Variants in NEDD4 observed in about 807,000 individuals in gnomAD.
NEDD4 encodes the protein NEDD4 E3 ubiquitin protein ligase, also known as E3 ubiquitin-protein ligase NEDD4.
In NEDD4, 99 loss-of-function variants were observed where a neutral mutation model predicts 144.9. That is an observed-to-expected ratio of 0.68 (90% CI 0.58 to 0.81). NEDD4 has a LOEUF of 0.81. Ranked by LOEUF, NEDD4 falls within the 30% of genes least tolerant of loss-of-function variation. The probability of loss-of-function intolerance (pLI) is 0.00; values close to 1 mark genes in which losing one functional copy is unlikely to be tolerated. For synonymous variants in NEDD4, 318 were observed against 350.6 expected, an observed-to-expected ratio of 0.91 and a Z score of 1.04; for missense variants, 985 against 1,065.9, an observed-to-expected ratio of 0.92 and a Z score of 1.06.
At chr15:55,837,334 G>A (rs2033255702) in intron 24 of NEDD4, among the ~76,000 whole-genome samples, 1 of 151,824 alleles carries the variant, frequency 6.6e-6, no homozygotes, top group Admixed American at 6.6e-5. Flanking sequence ...GGAGGCTGAG[G>A]CAGGAGAATT....
chr15:55,916,750 C>T (rs564085223), intron 5 of NEDD4: 1 of 1,613,958 alleles, frequency 6.2e-7, no homozygotes, highest in South Asian at 1.1e-5. Flanking sequence ...ACATGGCTAT[C>T]CAAGTCATCT....
intron 7 of NEDD4, among the ~76,000 whole-genome samples, chr15:55,870,529 C>CTTTTTTTTTTTTTT (rs58174546): frequency 8.5e-6 from 1 of 117,422 alleles, no homozygotes; most frequent in African/African-American, 3.3e-5. Context: ...TCTTCTTCTT[C>CTTTTTTTTTTTTTT]TTTTTTTTTT....
At chr15:55,937,990 A>G (rs1193790789) in intron 4 of NEDD4, among the ~76,000 whole-genome samples, 1 of 152,212 alleles carries the variant, frequency 6.6e-6, no homozygotes, top group Non-Finnish European at 1.5e-5. Flanking sequence ...GATAGCTCAA[A>G]AATAAACCCA....
At chr15:55,987,014 A>G (rs2037907093) in intron 1 of NEDD4, among the ~76,000 whole-genome samples, 1 of 149,126 alleles carries the variant, frequency 6.7e-6, no homozygotes, top group East Asian at 2.0e-4. Context: ...GTCAAATGGT[A>G]TTTCTAGTTC....
At chr15:55,957,777 G>A (rs1279031281) in intron 2 of NEDD4, among the ~76,000 whole-genome samples, 1 of 152,178 alleles carries the variant, frequency 6.6e-6, no homozygotes, top group Non-Finnish European at 1.5e-5. Context: ...ATATACCATG[G>A]AATACTATGC....
intron 5 of NEDD4, chr15:55,916,911 A>T (rs2036469248): frequency 6.6e-7 from 1 of 1,510,564 alleles, no homozygotes; most frequent in Non-Finnish European, 8.8e-7. Flanking sequence ...AAGCAGCTGC[A>T]CTGCATCAAA....
At chr15:55,951,349 C>T (rs779870409) in intron 4 of NEDD4, 27 bp downstream of exon 4, 2 of 846,436 alleles carry the variant, frequency 2.4e-6, no homozygotes, top group African/African-American at 3.6e-5. Context: ...ACTTTTTCCA[C>T]TTTAGTAAAA....
At chr15:55,830,272 A>G (rs2032886114) in intron 28 of NEDD4, among the ~76,000 whole-genome samples, 1 of 152,184 alleles carries the variant, frequency 6.6e-6, no homozygotes, top group South Asian at 2.1e-4. Context: ...CTGTCTTGGG[A>G]CAGCCCATCA....
chr15:55,979,677 T>C (rs2037767782), intron 1 of NEDD4, among the ~76,000 whole-genome samples: 1 of 152,160 alleles, frequency 6.6e-6, no homozygotes, highest in Admixed American at 6.5e-5. Context: ...TTAAACATTT[T>C]GTAAATTTTA....
Position 55,897,690 on chromosome 15 carries a change from TTTA to T in NEDD4, c.292-23685_292-23683del, listed in dbSNP as rs1313899124. 8.5e-5 allele frequency among the ~76,000 whole-genome samples: 13 copies of T among 152,268 alleles called. No homozygotes were observed. The East Asian group carries it at 2.5e-3, about 29-fold the overall frequency. On this transcript the variant is annotated intron_variant, in intron 5 of 28. Coordinates refer to ENST00000435532, the MANE Select transcript of NEDD4 (RefSeq NM_006154.4). Reference sequence around the variant, plus strand: ...TGGTAAGGTTTGGGCTCCAGACTGGTTTATTAATTCCCTGCCCATGTGTCCTCC... The same window carrying T: ...TGGTAAGGTTTGGGCTCCAGACTGGTTTAATTCCCTGCCCATGTGTCCTCC...
rs565702065 is a variant in NEDD4, at chr15:55,897,466, AAAG to A, written c.292-23461_292-23459del. ...TGTGACAGGAAATGCTGCAATATCA[AAAG>A]AAGATGGTATCAGATTTCCTTTGAC... On this transcript the variant is annotated intron_variant, in intron 5 of 28. Transcript: ENST00000435532. Among the ~76,000 whole-genome samples the A allele has an allele frequency of 1.0e-3, 156 of 152,358 alleles. 2 individuals carry two copies. The highest frequency in any genetic ancestry group is 3.5e-3 in the African/African-American group (144 of 41,584).
chr15:55,860,504 G>A lies in NEDD4; in HGVS notation c.863C>T (p.Ser288Leu), dbSNP rs1223767842. ...ATGAGTTGGAACATCCAAGTTACTTGACGGTGGAGGTGATGGGAAGGCCTG... is the reference window on the plus strand; with the variant it reads ...ATGAGTTGGAACATCCAAGTTACTTAACGGTGGAGGTGATGGGAAGGCCTG... ...SNQAFPSPPP[S>L]SNLDVPTHLA... is the part of the protein sequence containing the mutation. The change falls in exon 11 of 29, where the codon TCA becomes TTA. Residue 288 changes from serine to leucine, a missense_variant. Transcript: ENST00000435532. The A allele has an allele frequency of 6.2e-7, 1 of 1,614,120 alleles. No individual in the cohort carries two copies. Among genetic ancestry groups the A allele is most frequent in the Non-Finnish European group, 8.5e-7 (1 of 1,179,996 alleles).
At chr15:55,948,035 T>C (rs1257955421) in intron 4 of NEDD4, among the ~76,000 whole-genome samples, 3 of 152,190 alleles carry the variant, frequency 2.0e-5, no homozygotes, top group African/African-American at 4.8e-5. Flanking sequence ...GATGACATGA[T>C]TGTATACTTA....
At chr15:55,842,370 G>C (rs1595735474) in intron 18 of NEDD4, among the ~76,000 whole-genome samples, 1 of 152,070 alleles carries the variant, frequency 6.6e-6, no homozygotes, top group East Asian at 1.9e-4. Context: ...TAATCACTTA[G>C]TAATATAGAC....
intron 24 of NEDD4, among the ~76,000 whole-genome samples, chr15:55,837,440 A>G (rs1302880763): frequency 1.3e-5 from 2 of 151,998 alleles, no homozygotes; most frequent in Non-Finnish European, 2.9e-5. Flanking sequence ...CTCAAAAAAA[A>G]AAAAAAAAGA....
chr15:55,887,764 T>C (rs1431045173), intron 5 of NEDD4, among the ~76,000 whole-genome samples: 1 of 152,128 alleles, frequency 6.6e-6, no homozygotes, highest in African/African-American at 2.4e-5. Context: ...TTCAACAACC[T>C]ATTAAAAAGA....
intron 27 of NEDD4, among the ~76,000 whole-genome samples, chr15:55,830,791 C>T (rs751908504): frequency 6.6e-6 from 1 of 152,186 alleles, no homozygotes; most frequent in African/African-American, 2.4e-5. Flanking sequence ...CCTCAAGCTC[C>T]TGGGCTCAAG....
intron 1 of NEDD4, among the ~76,000 whole-genome samples, chr15:55,990,760 T>C (rs958632101): frequency 6.6e-6 from 1 of 152,134 alleles, no homozygotes; most frequent in African/African-American, 2.4e-5. Context: ...TGGGAAGTGA[T>C]GCTCAATTCC....
At chr15:55,943,383 G>T (rs895167865) in intron 4 of NEDD4, among the ~76,000 whole-genome samples, 1 of 152,170 alleles carries the variant, frequency 6.6e-6, no homozygotes, top group African/African-American at 2.4e-5. Flanking sequence ...GACTAGAAGG[G>T]AAGAATGATT....
Sources: gnomAD v4.1 joint callset for allele counts (sites outside exome capture counted in the v4.1 genomes callset) on GRCh38, gnomAD v4.1.1 for gene constraint, MANE v1.5 for transcripts, NCBI Gene and HGNC (gene_info 2026-07-23, HGNC 2026-07-21) for gene names.